PRKCZ: variants seen among roughly 807,000 people sequenced by gnomAD.
PRKCZ encodes protein kinase C zeta.
PRKCZ carries 33 observed loss-of-function variants against 79.5 expected under a neutral mutation model. The observed-to-expected ratio is 0.41, with a 90% CI of 0.31 to 0.55. The LOEUF is 0.55. Among genes scored for constraint, PRKCZ ranks in the 20% least tolerant of loss-of-function variants. PRKCZ has a pLI of 0.19. For synonymous variants in PRKCZ, 342 were observed against 320.9 expected (o/e 1.07, Z -0.70); for missense variants, 578 against 813.5 (o/e 0.71, Z 3.52).
chr1:2,051,008 A>G (rs1044233344), intron 1 of PRKCZ: 10 of 304,118 alleles, frequency 3.3e-5, no homozygotes, highest in African/African-American at 2.0e-4. Context: ...TCCGGCCGCA[A>G]ACCTGTAAGG....
chr1:2,090,182 G>A (rs1160094721), intron 4 of PRKCZ, among the ~76,000 whole-genome samples: 1 of 152,230 alleles, frequency 6.6e-6, no homozygotes, highest in Admixed American at 6.5e-5. Flanking sequence ...ATAAGGGCAT[G>A]TTCTGAGCTC....
chr1:2,087,423 G>T (rs13303193), intron 4 of PRKCZ, among the ~76,000 whole-genome samples: 18,256 of 152,052 alleles, frequency 0.12, 1,167 homozygotes, highest in Middle Eastern at 0.16. Context: ...GTGGTGAGGC[G>T]CCACGGCTCA....
At chr1:2,059,686 A>G in intron 4 of PRKCZ, 95 bp downstream of exon 4, 1 of 1,511,882 alleles carries the variant, frequency 6.6e-7, no homozygotes, top group African/African-American at 1.4e-5. Context: ...CCGTTTTCGG[A>G]GGTTCACCCT....
chr1:2,119,434 C>T (rs945746650), intron 4 of PRKCZ, among the ~76,000 whole-genome samples: 1 of 152,052 alleles, frequency 6.6e-6, no homozygotes, highest in Non-Finnish European at 1.5e-5. Context: ...AGGCTGGTAT[C>T]GAATTCCTGG....
At chr1:2,118,756 A>ATGAGGGGAGGGAGGGAAGGG (rs1671272237) in intron 4 of PRKCZ, among the ~76,000 whole-genome samples, 1 of 126,938 alleles carries the variant, frequency 7.9e-6, no homozygotes, top group East Asian at 2.2e-4. Context: ...TGTGTGTGTG[A>ATGAGGGGAGGGAGGGAAGGG]GATGAGGGGA....
chr1:2,064,188 C>T (rs1571126718), intron 4 of PRKCZ, among the ~76,000 whole-genome samples: 1 of 152,168 alleles, frequency 6.6e-6, no homozygotes, highest in East Asian at 1.9e-4. Context: ...AATGTCTTTT[C>T]GCGTCCTGTG....
intron 7 of PRKCZ, among the ~76,000 whole-genome samples, chr1:2,147,413 C>T (rs1050147974): frequency 3.8e-4 from 56 of 148,942 alleles, no homozygotes; most frequent in Admixed American, 6.7e-4. Context: ...CCTCTCCTTC[C>T]ATCTATCTGT....
intron 4 of PRKCZ, among the ~76,000 whole-genome samples, chr1:2,078,989 C>T (rs1662958489): frequency 6.6e-6 from 1 of 152,078 alleles, no homozygotes; most frequent in South Asian, 2.1e-4. Context: ...ACTACAGGCG[C>T]CCGCCACCAC....
intron 4 of PRKCZ, among the ~76,000 whole-genome samples, chr1:2,106,925 G>A (rs553704180): frequency 1.4e-4 from 22 of 151,992 alleles, no homozygotes; most frequent in Admixed American, 1.3e-3. Context: ...TCCGGTGGGC[G>A]AGGACCTCTG....
Position 2,127,173 on chromosome 1 carries a change from C to T in PRKCZ, c.335-8089C>T, listed in dbSNP as rs1221418679. Among the ~76,000 whole-genome samples the T allele has an allele frequency of 3.3e-5, 5 of 152,228 alleles. No homozygotes were observed. The highest frequency in any genetic ancestry group is 6.5e-5 in the Admixed American group (1 of 15,288). On this transcript the variant is annotated intron_variant, in intron 4 of 17. Transcript: ENST00000378567. This position sits in a 1 kb window ranked among gnomAD's most constrained non-coding sequence, Gnocchi z 5.1. Reference sequence around the variant, plus strand: ...CTGCCAGTCCCCAAAACAGACCCTGCGCCCCGGGCAACCATCTGCTTCCCG... The same window carrying T: ...CTGCCAGTCCCCAAAACAGACCCTGTGCCCCGGGCAACCATCTGCTTCCCG...
rs28522768 is a variant in PRKCZ at position 2,054,785 on chromosome 1, G to T, written c.72-656G>T. ...CGACCCGGCTCGCGCCCATCCCGGG[G>T]TCACCCACATTTGGGTGAACTTGAA... On this transcript the variant is annotated intron_variant, in intron 1 of 17. Coordinates refer to ENST00000378567, the MANE Select transcript of PRKCZ (RefSeq NM_002744.6). Among the ~76,000 whole-genome samples the T allele has an allele frequency of 5.4e-3, 817 of 152,212 alleles. 15 individuals are homozygous for T. Among genetic ancestry groups the T allele is most frequent in the African/African-American group, 0.018 (768 of 41,536 alleles).
intron 4 of PRKCZ, chr1:2,111,773 G>C (rs1410859216): frequency 2.0e-5 from 3 of 152,322 alleles, no homozygotes; most frequent in Non-Finnish European, 4.4e-5. Flanking sequence ...CTCCACCCTT[G>C]TTTCTTGCCC....
At chr1:2,076,283 C>T (rs1021155855) in intron 4 of PRKCZ, among the ~76,000 whole-genome samples, 1 of 152,234 alleles carries the variant, frequency 6.6e-6, no homozygotes, top group Non-Finnish European at 1.5e-5. Flanking sequence ...CATCTCCCCA[C>T]CTCCCTCACA....
At position 2,094,289 on chromosome 1, in the gene PRKCZ, C is replaced by T. The variant is rs974098270; in HGVS notation, c.334+34698C>T. Among the ~76,000 whole-genome samples the T allele has an allele frequency of 1.1e-4, 17 of 152,206 alleles. No homozygotes were observed. Among genetic ancestry groups the T allele is most frequent in the Non-Finnish European group, 2.1e-4 (14 of 68,044 alleles). On this transcript the variant is annotated intron_variant, in intron 4 of 17. Coordinates refer to ENST00000378567, the MANE Select transcript of PRKCZ (RefSeq NM_002744.6). This position sits in a 1 kb window ranked among gnomAD's most constrained non-coding sequence, Gnocchi z 7.3. ...TACCCTCGGCCTCCCGGCCTGAACT[C>T]TTCTCCTACCATGATGGTGCCTGGG...
At chr1:2,150,161 C>CAAAA (rs750010192) in intron 8 of PRKCZ, among the ~76,000 whole-genome samples, 2 of 46,700 alleles carry the variant, frequency 4.3e-5, no homozygotes, top group African/African-American at 7.6e-5. Context: ...GACTCCGTCT[C>CAAAA]AAAAAAAAAA....
At position 2,149,207 on chromosome 1, in the gene PRKCZ, C is replaced by T. The variant is rs1345069988; in HGVS notation, c.687+283C>T. Among the ~76,000 whole-genome samples the T allele has an allele frequency of 6.6e-6, 1 of 152,240 alleles. No homozygotes were observed. Among genetic ancestry groups the T allele is most frequent in the Non-Finnish European group, 1.5e-5 (1 of 68,040 alleles). ...CCACATCCTCTCCATTCAGGTGGTA[C>T]AGTGGCCCAGGGGCTGGCTTTTGAG... On this transcript the variant is annotated intron_variant, in intron 8 of 17. Coordinates refer to ENST00000378567, the MANE Select transcript of PRKCZ (RefSeq NM_002744.6). The surrounding 1 kb of genome is among the most constrained non-coding windows in gnomAD (Gnocchi z 4.1).
At chr1:2,136,032 A>T (rs1227200173) in intron 5 of PRKCZ, among the ~76,000 whole-genome samples, 1 of 150,614 alleles carries the variant, frequency 6.6e-6, no homozygotes, top group African/African-American at 2.5e-5. Flanking sequence ...CCACTGCGGG[A>T]CTCCACACAG....
chr1:2,089,627 G>T (rs570540358), intron 4 of PRKCZ, among the ~76,000 whole-genome samples: 1 of 152,074 alleles, frequency 6.6e-6, no homozygotes. Flanking sequence ...ATCCCATTCC[G>T]GAAGGCCACA....
chr1:2,099,092 C>T (rs146653522), intron 4 of PRKCZ, among the ~76,000 whole-genome samples: 33 of 151,884 alleles, frequency 2.2e-4, no homozygotes, highest in African/African-American at 7.0e-4. Flanking sequence ...CTGTGACTTC[C>T]GTTGTTGTCT....
Sources: allele counts gnomAD v4.1 joint callset (sites outside exome capture counted in the v4.1 genomes callset), GRCh38; gene constraint gnomAD v4.1.1; non-coding constraint Gnocchi (gnomAD v3.1); transcripts MANE v1.5; gene names NCBI Gene and HGNC (gene_info 2026-07-23, HGNC 2026-07-21).